NRG1: variants seen among roughly 807,000 people sequenced by gnomAD.
NRG1 encodes the protein neuregulin 1.
NRG1 carries 18 observed loss-of-function variants against 63.8 expected under a neutral mutation model. The observed-to-expected ratio is 0.28, with a 90% CI of 0.19 to 0.42. NRG1 has a LOEUF of 0.42. Ranked by LOEUF, NRG1 falls within the 10% of genes least tolerant of loss-of-function variation. The pLI, the probability that NRG1 is intolerant of heterozygous loss-of-function variation, is 1.00. For synonymous variants in NRG1, 302 were observed against 301.3 expected (o/e 1.00, Z -0.02); for missense variants, 762 against 814.7 (o/e 0.94, Z 0.79).
chr8:32,214,873 A>T (rs1845053504), intron 1 of NRG1, among the ~76,000 whole-genome samples: 1 of 152,220 alleles, frequency 6.6e-6, no homozygotes, highest in Non-Finnish European at 1.5e-5. Context: ...TTACACATAA[A>T]AGAAAGCTGA....
chr8:32,750,710 CAA>C (rs34624230), intron 7 of NRG1, among the ~76,000 whole-genome samples: 16 of 124,328 alleles, frequency 1.3e-4, no homozygotes, highest in Admixed American at 1.7e-4. Flanking sequence ...ATTTCTTCCT[CAA>C]AAAAAAAAAA....
chr8:32,143,234 C>T (rs1453471590), intron 1 of NRG1, among the ~76,000 whole-genome samples: 1 of 150,394 alleles, frequency 6.6e-6, no homozygotes, highest in Non-Finnish European at 1.5e-5. Flanking sequence ...GGTGTTAAGG[C>T]TTTTTTTTTG....
At chr8:32,211,564 A>G (rs1019483780) in intron 1 of NRG1, among the ~76,000 whole-genome samples, 2 of 152,196 alleles carry the variant, frequency 1.3e-5, no homozygotes, top group African/African-American at 2.4e-5. Flanking sequence ...CCAACACTGC[A>G]TCTAGTCACT....
intron 9 of NRG1, among the ~76,000 whole-genome samples, chr8:32,757,950 G>A (rs1829977511): frequency 6.6e-6 from 1 of 152,172 alleles, no homozygotes; most frequent in South Asian, 2.1e-4. Flanking sequence ...TCAGGGACTG[G>A]AAGTAGGTCA....
At chr8:32,696,804 G>A (rs1024061252) in intron 5 of NRG1, among the ~76,000 whole-genome samples, 1 of 152,032 alleles carries the variant, frequency 6.6e-6, no homozygotes, top group African/African-American at 2.4e-5. Context: ...GGGATTACAG[G>A]CGTGCGCCAC....
intron 1 of NRG1, among the ~76,000 whole-genome samples, chr8:31,756,670 C>G (rs938139486): frequency 6.6e-6 from 1 of 152,086 alleles, no homozygotes; most frequent in African/African-American, 2.4e-5. Flanking sequence ...TTTTATTTCC[C>G]TTTTACTACT....
chr8:32,193,596 G>A (rs1179334232), intron 1 of NRG1, among the ~76,000 whole-genome samples: 1 of 152,212 alleles, frequency 6.6e-6, no homozygotes, highest in Middle Eastern at 3.4e-3. Context: ...TTCTGGCCTG[G>A]GAGTTGGGAA....
intron 1 of NRG1, among the ~76,000 whole-genome samples, chr8:32,404,585 CTTTTTT>C (rs35437908): frequency 1.7e-5 from 2 of 116,944 alleles, no homozygotes; most frequent in Admixed American, 9.6e-5. Flanking sequence ...TCTTCTTCAT[CTTTTTT>C]TTTTTTTTTT....
intron 1 of NRG1, among the ~76,000 whole-genome samples, chr8:32,043,748 GTATA>G (rs1291295839): frequency 1.3e-5 from 2 of 151,786 alleles, no homozygotes; most frequent in African/African-American, 4.8e-5. Flanking sequence ...AATTAAGCAT[GTATA>G]TAGCAATCCC....
At chr8:32,241,620 T>C (rs1848102913) in intron 1 of NRG1, among the ~76,000 whole-genome samples, 1 of 152,202 alleles carries the variant, frequency 6.6e-6, no homozygotes, top group South Asian at 2.1e-4. Flanking sequence ...TCAAAATGAA[T>C]TAACAAATTA....
chr8:32,398,038 T>C (rs1812668542), intron 1 of NRG1, among the ~76,000 whole-genome samples: 1 of 152,238 alleles, frequency 6.6e-6, no homozygotes, highest in African/African-American at 2.4e-5. Flanking sequence ...TGCAGTCTGC[T>C]CTGCTCTAAT....
rs185907412 is a variant in NRG1, at chr8:31,975,035, G to A, written c.37+335604G>A. ...AGTTCAGAAGCAGGACTAGGTTCTG[G>A]GTCTTTACTGTGTATGTCATCTTTT... On this transcript the variant is annotated intron_variant, in intron 1 of 10. Coordinates refer to the NRG1 transcript ENST00000519301. Among the ~76,000 whole-genome samples, 10 of 152,094 alleles carry A rather than the reference G, an allele frequency of 6.6e-5. No individual in the cohort carries two copies. The East Asian group carries it at 9.7e-4, about 15-fold the overall frequency.
chr8:32,196,254 T>C (rs1242100484), intron 1 of NRG1, among the ~76,000 whole-genome samples: 5 of 151,954 alleles, frequency 3.3e-5, no homozygotes, highest in African/African-American at 1.2e-4. Flanking sequence ...ACAGTCATGA[T>C]AACAGAGATC....
chr8:32,220,660 C>T (rs773389606), intron 1 of NRG1, among the ~76,000 whole-genome samples: 1 of 152,218 alleles, frequency 6.6e-6, no homozygotes, highest in Non-Finnish European at 1.5e-5. Context: ...ATCCTTCCCA[C>T]CAGCCATGCT....
intron 5 of NRG1, among the ~76,000 whole-genome samples, chr8:32,685,016 C>T (rs908507762): frequency 1.3e-5 from 2 of 151,956 alleles, no homozygotes; most frequent in African/African-American, 4.8e-5. Flanking sequence ...TCCATTTTCC[C>T]CAATGGTAAC....
intron 1 of NRG1, among the ~76,000 whole-genome samples, chr8:31,675,183 A>G (rs1807561997): frequency 6.6e-6 from 1 of 152,194 alleles, no homozygotes; most frequent in African/African-American, 2.4e-5. Flanking sequence ...TCTCTATTAA[A>G]AATACAAAAT....
At chr8:32,183,296 G>A (rs187029664) in intron 1 of NRG1, among the ~76,000 whole-genome samples, 5 of 152,280 alleles carry the variant, frequency 3.3e-5, no homozygotes, top group East Asian at 3.9e-4. Flanking sequence ...CATGTGGGGC[G>A]GGACTTTTCT....
rs1467642872 is a variant in NRG1, at chr8:31,850,195, C to G, written c.37+210764C>G. Among the ~76,000 whole-genome samples, 9 of 152,062 alleles carry G rather than the reference C, an allele frequency of 5.9e-5. No homozygotes were observed. In the East Asian group the frequency reaches 1.6e-3, roughly 26 times the overall value. ...GTATCTCTCCAAGCTGGGGGGCAGT[C>G]AGATTTTATAAGTGTAGGGTAATAA... On this transcript the variant is annotated intron_variant, in intron 1 of 10. Transcript: ENST00000519301.
chr8:31,768,460 G>T (rs766956831), intron 1 of NRG1, among the ~76,000 whole-genome samples: 1 of 152,182 alleles, frequency 6.6e-6, no homozygotes, highest in Admixed American at 6.5e-5. Context: ...CTCTCTGGAA[G>T]ATGATTGGTG....
Sources: gnomAD v4.1 joint callset for allele counts (sites outside exome capture counted in the v4.1 genomes callset) on GRCh38, gnomAD v4.1.1 for gene constraint, MANE v1.5 for transcripts, NCBI Gene and HGNC (gene_info 2026-07-23, HGNC 2026-07-21) for gene names.